The following CPED1 variants were observed in gnomAD, a reference collection of about 807,000 sequenced individuals.
The protein encoded by CPED1 is cadherin like and PC-esterase domain containing 1.
Under a neutral mutation model 128.2 loss-of-function variants are expected in CPED1, and 114 were observed. The ratio of observed to expected loss-of-function variants is 0.89; its 90% confidence interval spans 0.76 to 1.04. CPED1 has a LOEUF of 1.04. Ranked by LOEUF, CPED1 falls within the 50% of genes least tolerant of loss-of-function variation. CPED1 has a pLI of 0.00. For missense variants in CPED1, 1,211 were observed against 1,207.1 expected (o/e 1.00, Z -0.05); for synonymous variants, 462 against 426.7 (o/e 1.08, Z -1.02).
intron 18 of CPED1, among the ~76,000 whole-genome samples, chr7:121,253,922 C>T (rs988483100): frequency 3.3e-5 from 5 of 151,958 alleles, no homozygotes; most frequent in African/African-American, 2.4e-5. Context: ...TCATAAAACA[C>T]GTTCTTGTTG....
chr7:121,147,541 G>A (rs1796052034), intron 16 of CPED1, among the ~76,000 whole-genome samples: 1 of 152,060 alleles, frequency 6.6e-6, no homozygotes, highest in South Asian at 2.1e-4. Context: ...TATACACATA[G>A]GGGAATGTTT....
rs73438281 is a variant in CPED1 at position 121,279,843 on chromosome 7, G to A, written c.2868+8413G>A. Among the ~76,000 whole-genome samples, 1,177 of 152,262 alleles carry A rather than the reference G, an allele frequency of 7.7e-3. 13 individuals are homozygous for A. Among genetic ancestry groups the A allele is most frequent in the African/African-American group, 0.026 (1,070 of 41,536 alleles). On this transcript the variant is annotated intron_variant, in intron 22 of 22. Transcript: ENST00000310396. ...AGAGGCTGAAAACAGAAAGATGAAG[G>A]TAAAGTTGGCGTGTGAAGGGAGGAG...
chr7:121,258,570 A>G (rs1791942283), intron 18 of CPED1, among the ~76,000 whole-genome samples: 2 of 152,086 alleles, frequency 1.3e-5, no homozygotes, highest in African/African-American at 4.8e-5. Context: ...TGAGAATCCT[A>G]TCACTCAAGC....
In CPED1 at chr7:121,046,836, T is replaced by C. The variant is rs1860999; in HGVS notation, c.434-51T>C. Reference sequence around the variant, plus strand: ...TAATCTGAAGAATTAAATATTGCTTTTAAAATATCTGATGAAAACTTATTT... The same window carrying C: ...TAATCTGAAGAATTAAATATTGCTTCTAAAATATCTGATGAAAACTTATTT... On this transcript the variant is annotated intron_variant, in intron 3 of 22. Transcript: ENST00000310396. The C allele has an allele frequency of 1.7e-3, 2,026 of 1,221,496 alleles. 32 individuals are homozygous for C. The African/African-American group carries it at 0.026, about 16-fold the overall frequency. The allele number at this position is 1,221,496 out of a possible 1,614,324, so 75.7% of individuals were successfully genotyped here.
At chr7:121,021,566 G>C (rs541336037) in intron 3 of CPED1, among the ~76,000 whole-genome samples, 4 of 151,888 alleles carry the variant, frequency 2.6e-5, no homozygotes, top group Non-Finnish European at 5.9e-5. Flanking sequence ...TAAGTAAGAC[G>C]AGCTTAACCA....
intron 10 of CPED1, 124 bp downstream of exon 10, chr7:121,127,381 C>T (rs1795530417): frequency 3.6e-6 from 2 of 555,888 alleles, no homozygotes; most frequent in Non-Finnish European, 6.1e-6. Flanking sequence ...TCTATTATAT[C>T]ACACTTCTTA....
At chr7:121,232,931 A>G (rs1798170411) in intron 16 of CPED1, among the ~76,000 whole-genome samples, 1 of 152,128 alleles carries the variant, frequency 6.6e-6, no homozygotes, top group Admixed American at 6.6e-5. Flanking sequence ...CCAATTCAGT[A>G]TTGCTTTAAA....
rs562444930 is a variant in CPED1, at chr7:121,047,222, A to G, written c.540+229A>G. ...TGCAGATATTGTTGTTTTACTTAGTAAGACCCAACTTTATCTAGAAGTCTG... is the reference window on the plus strand; with the variant it reads ...TGCAGATATTGTTGTTTTACTTAGTGAGACCCAACTTTATCTAGAAGTCTG... On this transcript the variant is annotated intron_variant, in intron 4 of 22. Transcript: ENST00000310396. Among the ~76,000 whole-genome samples the G allele has an allele frequency of 4.6e-5, 7 of 152,344 alleles. No individual in the cohort carries two copies. The East Asian group carries it at 1.3e-3, about 29-fold the overall frequency.
chr7:121,007,345 G>A (rs192792047), intron 2 of CPED1, among the ~76,000 whole-genome samples: 1 of 148,426 alleles, frequency 6.7e-6, no homozygotes, highest in East Asian at 2.1e-4. Context: ...GAAAGGCACC[G>A]TATGGTCCCA....
At chr7:121,283,639 A>T (rs1475476389) in intron 22 of CPED1, among the ~76,000 whole-genome samples, 3 of 152,156 alleles carry the variant, frequency 2.0e-5, no homozygotes, top group African/African-American at 7.2e-5. Flanking sequence ...TGTAAGTATG[A>T]TAGGTCCTCC....
chr7:121,066,997 TACG>T (rs1232933552), intron 5 of CPED1, among the ~76,000 whole-genome samples: 1 of 152,090 alleles, frequency 6.6e-6, no homozygotes, highest in African/African-American at 2.4e-5. Context: ...TATATGCAAA[TACG>T]ACATCATTTT....
chr7:121,168,300 C>T (rs1359335150), intron 16 of CPED1, among the ~76,000 whole-genome samples: 1 of 152,170 alleles, frequency 6.6e-6, no homozygotes, highest in East Asian at 1.9e-4. Flanking sequence ...TTAAAACTTA[C>T]AATTCTTAAA....
intron 6 of CPED1, among the ~76,000 whole-genome samples, chr7:121,099,721 T>A (rs1794794985): frequency 6.6e-6 from 1 of 152,158 alleles, no homozygotes; most frequent in Non-Finnish European, 1.5e-5. Flanking sequence ...GGGGAACTAT[T>A]ACCAATTTGA....
chr7:121,191,705 A>G (rs1458297551), intron 16 of CPED1, among the ~76,000 whole-genome samples: 1 of 152,090 alleles, frequency 6.6e-6, no homozygotes, highest in South Asian at 2.1e-4. Flanking sequence ...GAAGTATATC[A>G]GTTTCAGACC....
chr7:121,155,758 G>A (rs966099778), intron 16 of CPED1, among the ~76,000 whole-genome samples: 4 of 152,216 alleles, frequency 2.6e-5, no homozygotes, highest in Non-Finnish European at 4.4e-5. Context: ...ACTAGCAGAA[G>A]AAAACATTGG....
chr7:121,048,696 G>T (rs533294145), intron 4 of CPED1, among the ~76,000 whole-genome samples: 1 of 152,118 alleles, frequency 6.6e-6, no homozygotes, highest in South Asian at 2.1e-4. Flanking sequence ...GTACCACCAC[G>T]CCTGGCTAAT....
intron 5 of CPED1, among the ~76,000 whole-genome samples, chr7:121,066,166 T>A (rs1381802345): frequency 6.6e-6 from 1 of 152,108 alleles, no homozygotes; most frequent in African/African-American, 2.4e-5. Context: ...AAACTAAACA[T>A]AATACTATAT....
chr7:121,264,265 A>G (rs540806796), intron 18 of CPED1, among the ~76,000 whole-genome samples: 49 of 152,218 alleles, frequency 3.2e-4, no homozygotes, highest in Admixed American at 6.5e-4. Flanking sequence ...TAGGAAAACA[A>G]TACTAATGGA....
At chr7:121,254,989 A>C (rs1195677553) in intron 18 of CPED1, among the ~76,000 whole-genome samples, 1 of 152,022 alleles carries the variant, frequency 6.6e-6, no homozygotes, top group African/African-American at 2.4e-5. Flanking sequence ...TACAAAAAAG[A>C]ATTGGTACCA....
Sources: gnomAD v4.1 joint callset for allele counts (sites outside exome capture counted in the v4.1 genomes callset) on GRCh38, gnomAD v4.1.1 for gene constraint, MANE v1.5 for transcripts, NCBI Gene and HGNC (gene_info 2026-07-23, HGNC 2026-07-21) for gene names.